Variants in MBOAT2 observed in about 807,000 individuals in gnomAD.
The protein encoded by MBOAT2 is membrane bound glycerophospholipid O-acyltransferase 2, also known as membrane-bound glycerophospholipid O-acyltransferase 2.
In MBOAT2, 28 loss-of-function variants were observed where a neutral mutation model predicts 63.4. That is an observed-to-expected ratio of 0.44 (90% CI 0.33 to 0.61). The LOEUF is 0.61. MBOAT2 is among the 20% of genes least tolerant of loss of function. The pLI, the probability that MBOAT2 is intolerant of heterozygous loss-of-function variation, is 0.03. For synonymous variants in MBOAT2, 211 were observed against 215.6 expected, an observed-to-expected ratio of 0.98 and a Z score of 0.19; for missense variants, 470 against 605.8, an observed-to-expected ratio of 0.78 and a Z score of 2.35.
chr2:8,879,927 G>A (rs1291390778), intron 6 of MBOAT2, among the ~76,000 whole-genome samples: 1 of 152,138 alleles, frequency 6.6e-6, no homozygotes, highest in Non-Finnish European at 1.5e-5. Flanking sequence ...ATGGCAGGAA[G>A]GGAGGGGTAT....
At chr2:8,961,592 A>C (rs548931940) in intron 1 of MBOAT2, among the ~76,000 whole-genome samples, 6,411 of 148,182 alleles carry the variant, frequency 0.043, 146 homozygotes, top group Middle Eastern at 0.058. Context: ...TCAGTAGGGA[A>C]AAAAAAAAAG....
chr2:8,889,898 T>G (rs1204885352), intron 4 of MBOAT2, among the ~76,000 whole-genome samples: 1 of 152,164 alleles, frequency 6.6e-6, no homozygotes, highest in Non-Finnish European at 1.5e-5. Context: ...TTCTATTCCA[T>G]CAGGTGCAAA....
At chr2:8,889,831 A>G (rs930507655) in intron 4 of MBOAT2, among the ~76,000 whole-genome samples, 16 of 152,338 alleles carry the variant, frequency 1.1e-4, no homozygotes, top group South Asian at 6.2e-4. Flanking sequence ...AAAAATGCAA[A>G]TAAGTGCTCT....
chr2:8,883,305 CATGTA>C (rs1663283760), intron 5 of MBOAT2, among the ~76,000 whole-genome samples: 1 of 152,056 alleles, frequency 6.6e-6, no homozygotes, highest in Admixed American at 6.5e-5. Flanking sequence ...TCGTAGAATA[CATGTA>C]GCCAACTAAC....
intron 2 of MBOAT2, among the ~76,000 whole-genome samples, chr2:8,955,366 C>T (rs1377113144): frequency 6.6e-6 from 1 of 152,174 alleles, no homozygotes; most frequent in Non-Finnish European, 1.5e-5. Context: ...CTCAGATCCC[C>T]AGTGGAAAGG....
At position 9,003,526 on chromosome 2, in the gene MBOAT2, G is replaced by A; in HGVS notation, c.75+14C>T. 8.4e-7 allele frequency: 1 copy of A among 1,195,070 alleles called. No homozygotes were observed. The allele number at this position is 1,195,070 out of a possible 1,614,324, so 74.0% of individuals were successfully genotyped here. A position where few individuals can be genotyped will look rare whatever the true frequency, so the allele number is the denominator to read the frequency against. On this transcript the variant is annotated intron_variant, in intron 1 of 12. Transcript: ENST00000305997. The surrounding 1 kb of genome is among the most constrained non-coding windows in gnomAD (Gnocchi z 5.4). ...CGAGGGCGCGACGCCCGGCGCCAGG[G>A]CGCCTCGGGGTACCTGGTCGATGGG...
At chr2:8,921,979 CCT>C (rs2148610364) in intron 3 of MBOAT2, among the ~76,000 whole-genome samples, 1 of 152,254 alleles carries the variant, frequency 6.6e-6, no homozygotes, top group East Asian at 1.9e-4. Context: ...TTCTCTCTCC[CCT>C]CTCTTTTGGA....
chr2:8,952,703 T>A (rs543378543), intron 2 of MBOAT2, among the ~76,000 whole-genome samples: 1 of 152,088 alleles, frequency 6.6e-6, no homozygotes, highest in Non-Finnish European at 1.5e-5. Flanking sequence ...TGTAATTTTA[T>A]GATTTTATGC....
intron 1 of MBOAT2, among the ~76,000 whole-genome samples, chr2:9,002,257 G>A (rs1336015915): frequency 6.6e-6 from 1 of 152,202 alleles, no homozygotes; most frequent in African/African-American, 2.4e-5. Flanking sequence ...CTATTAACCA[G>A]AAGTTATGAC....
In MBOAT2 at chr2:8,854,126, T is replaced by C. The variant is rs1175938781; in HGVS notation, c.*4553A>G. On this transcript the variant is annotated 3_prime_UTR_variant, in exon 13 of 13. Transcript: ENST00000305997. ...ATTTCTGTTGTAATCAGAGTTTCTA[T>C]AAATAGATTTGACTACTTGGTGTTG... 2.0e-5 allele frequency: 3 copies of C among 152,226 alleles called. No individual in the cohort carries two copies. The highest frequency in any genetic ancestry group is 4.8e-5 in the African/African-American group (2 of 41,458). The allele number at this position is 152,226 out of a possible 1,614,324, so 9.4% of individuals were successfully genotyped here. A position where few individuals can be genotyped will look rare whatever the true frequency, so the allele number is the denominator to read the frequency against.
intron 5 of MBOAT2, among the ~76,000 whole-genome samples, chr2:8,884,048 C>A (rs1297014110): frequency 1.4e-5 from 2 of 147,010 alleles, no homozygotes; most frequent in Middle Eastern, 3.5e-3. Context: ...CATGGTGAAA[C>A]CTTGTCTTTA....
In MBOAT2 at chr2:8,904,425, C is replaced by T. The variant is rs149361806; in HGVS notation, c.395+4196G>A. 1.8e-3 allele frequency among the ~76,000 whole-genome samples: 279 copies of T among 152,132 alleles called. 1 individual carries two copies. The highest frequency in any genetic ancestry group is 6.4e-3 in the African/African-American group (267 of 41,474). On this transcript the variant is annotated intron_variant, in intron 4 of 12. Coordinates refer to ENST00000305997, the MANE Select transcript of MBOAT2 (RefSeq NM_138799.4). ...CTCCGAAACTCAAGCGATCCTCCCA[C>T]TTCAGCCTCCTGAGTAGCTGGGACT...
rs1172489685 is a variant in MBOAT2, at chr2:8,858,836, T to G, written c.1406A>C (p.Gln469Pro). Residue 469 changes from glutamine to proline, a missense_variant, in exon 13 of 13, where the codon CAA becomes CCA. Physicochemically the swap from Gln to Pro is moderately conservative, Grantham distance 76. This residue lies in a region of MBOAT2 where 90 missense variants were observed against 84.9 expected (regional missense o/e 1.06). Transcript: ENST00000305997. ...VLLLLPVKKT[Q>P]RRKNTHENIQ... ...GTTTTCATGTGTATTCTTTCTTCTTTGAGTTTTTTTCACTGGCAACAACAA... is the reference window on the plus strand; with the variant it reads ...GTTTTCATGTGTATTCTTTCTTCTTGGAGTTTTTTTCACTGGCAACAACAA... 1.9e-6 allele frequency: 3 copies of G among 1,613,970 alleles called. No homozygotes were observed. Among genetic ancestry groups the G allele is most frequent in the East Asian group, 2.2e-5 (1 of 44,870 alleles).
chr2:8,995,819 C>G (rs1488853681), intron 1 of MBOAT2, among the ~76,000 whole-genome samples: 1 of 152,122 alleles, frequency 6.6e-6, no homozygotes, highest in African/African-American at 2.4e-5. Flanking sequence ...TCTCGATCTC[C>G]TGACCTTGTG....
At chr2:8,935,725 TG>T (rs1481886946) in intron 3 of MBOAT2, among the ~76,000 whole-genome samples, 1 of 152,204 alleles carries the variant, frequency 6.6e-6, no homozygotes, top group Non-Finnish European at 1.5e-5. Context: ...AATTTAAGCC[TG>T]GAAAAGTAAA....
At chr2:8,884,288 A>G (rs955917264) in intron 5 of MBOAT2, among the ~76,000 whole-genome samples, 2 of 147,748 alleles carry the variant, frequency 1.4e-5, no homozygotes, top group African/African-American at 2.5e-5. Context: ...TCCAATTTGT[A>G]TTTTTCAAAT....
chr2:8,903,716 A>G (rs977597379), intron 4 of MBOAT2, among the ~76,000 whole-genome samples: 1 of 152,080 alleles, frequency 6.6e-6, no homozygotes, highest in African/African-American at 2.4e-5. Flanking sequence ...CTGTATTTTA[A>G]TTTCTTAGAT....
chr2:8,945,081 T>C (rs950971390), intron 2 of MBOAT2, among the ~76,000 whole-genome samples: 3 of 152,236 alleles, frequency 2.0e-5, no homozygotes, highest in Non-Finnish European at 2.9e-5. Context: ...AACAGTGCTA[T>C]GGTGCCTCAT....
intron 1 of MBOAT2, among the ~76,000 whole-genome samples, chr2:8,964,769 T>C (rs1220037972): frequency 6.6e-6 from 1 of 152,208 alleles, no homozygotes; most frequent in Non-Finnish European, 1.5e-5. Context: ...AGACTACTAA[T>C]TTTTGCCAAG....
Sources: gnomAD v4.1 joint callset for allele counts (sites outside exome capture counted in the v4.1 genomes callset) on GRCh38, gnomAD v4.1.1 for gene constraint, gnomAD v4.1.1 regional missense constraint, Gnocchi (gnomAD v3.1) non-coding constraint, MANE v1.5 for transcripts, NCBI Gene and HGNC (gene_info 2026-07-23, HGNC 2026-07-21) for gene names.